The following ANKRD55 variants were observed in gnomAD, a reference collection of about 807,000 sequenced individuals.
ANKRD55 encodes ankyrin repeat domain-containing protein 55.
Under a neutral mutation model 60.6 loss-of-function variants are expected in ANKRD55, and 41 were observed. The ratio of observed to expected loss-of-function variants is 0.68; its 90% CI spans 0.53 to 0.88. ANKRD55 has a LOEUF of 0.88. Ranked by LOEUF, ANKRD55 falls within the 40% of genes least tolerant of loss-of-function variation. ANKRD55 has a pLI of 0.00. For missense variants in ANKRD55, 732 were observed against 767.6 expected, an observed-to-expected ratio of 0.95 and a Z score of 0.55; for synonymous variants, 264 against 290.3, an observed-to-expected ratio of 0.91 and a Z score of 0.92.
At position 56,126,948 on chromosome 5, in the gene ANKRD55, G is replaced by C; in HGVS notation, c.771C>G (p.Asn257Lys). The C allele has an allele frequency of 1.2e-6, 2 of 1,612,952 alleles. No individual in the cohort carries two copies. The highest frequency in any genetic ancestry group is 1.7e-6 in the Non-Finnish European group (2 of 1,179,366). Residue 257 changes from asparagine to lysine, a missense_variant, in exon 8 of 12, where the codon AAC (asparagine) becomes AAG (lysine). This residue lies in a region of ANKRD55 where 597 missense variants were observed against 607.5 expected (regional missense o/e 0.98). Coordinates refer to ENST00000341048, the MANE Select transcript of ANKRD55 (RefSeq NM_024669.3). Reference protein sequence around the residue: ...IHELARVPECNLQALDVDDRT... With the variant: ...IHELARVPECKLQALDVDDRT... ...TGTCATCCACATCCAGAGCCTGCAG[G>C]TTACACTCAGGGACTCTTGCCAGCT...
chr5:56,222,405 C>A (rs1470677492), intron 2 of ANKRD55, among the ~76,000 whole-genome samples: 2 of 152,142 alleles, frequency 1.3e-5, no homozygotes, highest in Non-Finnish European at 2.9e-5. Flanking sequence ...GAAACCAGAG[C>A]AGAAAAGCTG....
chr5:56,142,099 C>T (rs763563135), intron 7 of ANKRD55, among the ~76,000 whole-genome samples: 3 of 152,026 alleles, frequency 2.0e-5, no homozygotes, highest in Non-Finnish European at 4.4e-5. Context: ...GGAGGCCGAG[C>T]GGGGCAGATC....
intron 7 of ANKRD55, among the ~76,000 whole-genome samples, chr5:56,130,828 T>G (rs995077628): frequency 6.6e-6 from 1 of 152,032 alleles, no homozygotes; most frequent in Admixed American, 6.6e-5. Context: ...TAAAAAACAC[T>G]GTAATGGAAA....
chr5:56,135,227 C>CTTCT (rs2111739615), intron 7 of ANKRD55, among the ~76,000 whole-genome samples: 1 of 38,478 alleles, frequency 2.6e-5, no homozygotes, highest in African/African-American at 7.4e-5. Context: ...TCCTTCCTTC[C>CTTCT]TTCCTTCCTT....
intron 7 of ANKRD55, among the ~76,000 whole-genome samples, chr5:56,137,796 C>A (rs181386707): frequency 4.5e-4 from 69 of 152,166 alleles, no homozygotes; most frequent in African/African-American, 1.6e-3. Flanking sequence ...AAGACTATTG[C>A]CAAAATATGC....
At chr5:56,191,826 TG>T (rs1759100826) in intron 2 of ANKRD55, among the ~76,000 whole-genome samples, 1 of 152,188 alleles carries the variant, frequency 6.6e-6, no homozygotes, top group African/African-American at 2.4e-5. Flanking sequence ...AAATAGGAAA[TG>T]AAGGAGCTTC....
chr5:56,221,857 C>T (rs933978434), intron 2 of ANKRD55, among the ~76,000 whole-genome samples: 5 of 152,226 alleles, frequency 3.3e-5, no homozygotes, highest in African/African-American at 1.2e-4. Context: ...GAAGCTCGAA[C>T]TGGGTGGAGC....
chr5:56,145,841 A>C (rs942715619), intron 6 of ANKRD55, among the ~76,000 whole-genome samples: 2 of 152,152 alleles, frequency 1.3e-5, no homozygotes, highest in Non-Finnish European at 2.9e-5. Flanking sequence ...TATTTCAAGA[A>C]ATTGGTTCCA....
At chr5:56,113,491 T>A (rs757421236) in intron 9 of ANKRD55, among the ~76,000 whole-genome samples, 42 of 152,242 alleles carry the variant, frequency 2.8e-4, no homozygotes, top group South Asian at 6.2e-4. Flanking sequence ...TACGGAGGTG[T>A]GATGATTGTC....
rs1398066814 is a variant in ANKRD55 at position 56,111,276 on chromosome 5, T to G, written c.1472A>C (p.Asp491Ala). ...NNRTGCQMLL[D>A]NPWKSDSNQV... ...ATTAGAATCACTCTTCCAGGGGTTA[T>G]CTAGTAACATCTGGCAGCCAGTTCT... The change falls in exon 10 of 12, where the codon GAT becomes GCT. Residue 491 changes from aspartate (D) to alanine (A), a missense_variant. By Grantham distance (126) the Asp-to-Ala change is moderately radical (BLOSUM62 -2). This residue lies in a region of ANKRD55 where 597 missense variants were observed against 607.5 expected (regional missense o/e 0.98). Coordinates refer to ENST00000341048, the MANE Select transcript of ANKRD55 (RefSeq NM_024669.3). 3.7e-6 allele frequency: 6 copies of G among 1,614,086 alleles called. No individual in the cohort carries two copies. The highest frequency in any genetic ancestry group is 5.1e-6 in the Non-Finnish European group (6 of 1,180,036).
intron 2 of ANKRD55, among the ~76,000 whole-genome samples, chr5:56,222,457 T>G (rs1263265873): frequency 1.3e-5 from 2 of 152,298 alleles, no homozygotes; most frequent in Non-Finnish European, 2.9e-5. Context: ...ACCAAAGGAA[T>G]GCAGCTCCTC....
chr5:56,122,008 G>A (rs1757079458), intron 8 of ANKRD55, among the ~76,000 whole-genome samples: 1 of 152,188 alleles, frequency 6.6e-6, no homozygotes, highest in Non-Finnish European at 1.5e-5. Flanking sequence ...GTTTTTAAGT[G>A]TGCCTAATGT....
intron 2 of ANKRD55, among the ~76,000 whole-genome samples, chr5:56,184,802 G>T (rs1758932123): frequency 6.6e-6 from 1 of 152,010 alleles, no homozygotes; most frequent in Non-Finnish European, 1.5e-5. Flanking sequence ...GGAGGCCGAG[G>T]CAGGAGGATT....
intron 2 of ANKRD55, among the ~76,000 whole-genome samples, chr5:56,215,872 C>T (rs1188479284): frequency 6.6e-6 from 1 of 151,894 alleles, no homozygotes; most frequent in African/African-American, 2.4e-5. Flanking sequence ...ATTAGGAGTA[C>T]TGGCTAGTAT....
chr5:56,116,506 A>G (rs2111690780), intron 9 of ANKRD55, 109 bp downstream of exon 9: 1 of 903,000 alleles, frequency 1.1e-6, no homozygotes, highest in East Asian at 3.4e-5. Flanking sequence ...ATATTATAAA[A>G]GTATAATAAT....
chr5:56,145,230 C>T (rs1580979104), intron 6 of ANKRD55, among the ~76,000 whole-genome samples: 2 of 152,308 alleles, frequency 1.3e-5, no homozygotes, highest in East Asian at 1.9e-4. Flanking sequence ...CAAGCTGTTT[C>T]CTCTTCCCCT....
Position 56,100,196 on chromosome 5 carries a change from C to T in ANKRD55, c.1832G>A (p.Ser611Asn). Reference sequence around the variant, plus strand: ...AGTGGCCCACAGTTAATTTTCATCACTGGTGGGGTTGGCAGAATGTTCACT... The same window carrying T: ...AGTGGCCCACAGTTAATTTTCATCATTGGTGGGGTTGGCAGAATGTTCACT... ...EESEHSANPT[S>N]DEN Residue 611 changes from serine to asparagine, a missense_variant, in exon 12 of 12, where the codon AGT becomes AAT. Around this residue, in one of 3 missense-constraint regions of ANKRD55, gnomAD observed 597 missense variants for 607.5 expected, o/e 0.98. Coordinates refer to ENST00000341048, the MANE Select transcript of ANKRD55 (RefSeq NM_024669.3). 6.2e-7 allele frequency: 1 copy of T among 1,614,142 alleles called. No individual in the cohort carries two copies. Among genetic ancestry groups the T allele is most frequent in the Middle Eastern group, 1.7e-4 (1 of 6,056 alleles).
intron 2 of ANKRD55, among the ~76,000 whole-genome samples, chr5:56,200,779 A>G (rs1759344926): frequency 6.6e-6 from 1 of 152,194 alleles, no homozygotes; most frequent in African/African-American, 2.4e-5. Flanking sequence ...TCAAGAGCTC[A>G]GACCAGGGTA....
intron 7 of ANKRD55, among the ~76,000 whole-genome samples, chr5:56,135,751 G>A (rs7717918): frequency 0.23 from 34,476 of 151,944 alleles, 5,547 homozygotes; most frequent in African/African-American, 0.45. Context: ...ATGCTGATTG[G>A]GAAGGAAGAA....
Sources: gnomAD v4.1 joint callset for allele counts (sites outside exome capture counted in the v4.1 genomes callset) on GRCh38, gnomAD v4.1.1 for gene constraint, gnomAD v4.1.1 regional missense constraint, MANE v1.5 for transcripts, NCBI Gene and HGNC (gene_info 2026-07-23, HGNC 2026-07-21) for gene names.